The following AGBL1 variants were observed in gnomAD, a reference collection of about 807,000 sequenced individuals.
AGBL1 encodes AGBL carboxypeptidase 1.
Under a neutral mutation model 118.9 loss-of-function variants are expected in AGBL1, and 130 were observed. That is an observed-to-expected ratio of 1.09 (90% CI 0.95 to 1.26). The LOEUF (loss-of-function observed/expected upper bound fraction) is 1.26. Among genes scored for constraint, AGBL1 ranks in the 50% most tolerant of loss-of-function variants. The pLI is 0.00. For missense variants in AGBL1, 1,584 were observed against 1,298.1 expected (o/e 1.22, Z -3.38); for synonymous variants, 555 against 478.9 (o/e 1.16, Z -2.08).
chr15:86,211,332 G>C (rs150592650), intron 5 of AGBL1, among the ~76,000 whole-genome samples: 1 of 152,204 alleles, frequency 6.6e-6, no homozygotes, highest in Non-Finnish European at 1.5e-5. Flanking sequence ...CATTCTCAGA[G>C]CTCAAACACT....
At chr15:86,172,075 G>A (rs910918146) in intron 5 of AGBL1, among the ~76,000 whole-genome samples, 17 of 152,136 alleles carry the variant, frequency 1.1e-4, no homozygotes, top group Middle Eastern at 3.2e-3. Context: ...AAAAGACTAC[G>A]CATTGGGTAC....
At chr15:86,271,154 G>A (rs1001097670) in intron 14 of AGBL1, among the ~76,000 whole-genome samples, 16 of 144,930 alleles carry the variant, frequency 1.1e-4, no homozygotes, top group African/African-American at 3.6e-4. Flanking sequence ...GGGTTCAAGC[G>A]ATTCTCCTGC....
At chr15:87,027,705 A>AAAAGGAAGG (rs2081746566) in intron 24 of AGBL1, among the ~76,000 whole-genome samples, 1 of 152,040 alleles carries the variant, frequency 6.6e-6, no homozygotes, top group South Asian at 2.1e-4. Context: ...TGCAGCTATA[A>AAAAGGAAGG]AAAGGAAGGA....
chr15:86,311,526 A>G (rs17604550), intron 17 of AGBL1, among the ~76,000 whole-genome samples: 39,238 of 152,130 alleles, frequency 0.26, 6,369 homozygotes, highest in Admixed American at 0.37. Flanking sequence ...GCAGATAGTA[A>G]GAATTTTAGT....
chr15:87,030,703 G>A (rs539855342), downstream of AGBL1, among the ~76,000 whole-genome samples: 1 of 151,952 alleles, frequency 6.6e-6, no homozygotes, highest in East Asian at 1.9e-4. Context: ...TTGTGATATT[G>A]CCTTGCTAAC....
intron 22 of AGBL1, among the ~76,000 whole-genome samples, chr15:86,796,259 G>A (rs1279491682): frequency 6.6e-6 from 1 of 152,270 alleles, no homozygotes; most frequent in East Asian, 1.9e-4. Context: ...TGGATGACTA[G>A]ACATTTGTTC....
At chr15:86,828,914 GTATATATATATATA>G (rs3059643) in intron 22 of AGBL1, among the ~76,000 whole-genome samples, 1 of 141,870 alleles carries the variant, frequency 7.0e-6, no homozygotes, top group Admixed American at 7.1e-5. Context: ...AAGTTCAAAA[GTATATATATATATA>G]TATATATATA....
At chr15:86,871,539 C>G (rs750185147) in intron 22 of AGBL1, among the ~76,000 whole-genome samples, 41 of 152,162 alleles carry the variant, frequency 2.7e-4, no homozygotes, top group African/African-American at 9.4e-4. Context: ...TCCTCAGGCT[C>G]TCTCCTCCTT....
chr15:86,640,254 G>A (rs1352558561), intron 21 of AGBL1, among the ~76,000 whole-genome samples: 1 of 151,982 alleles, frequency 6.6e-6, no homozygotes, highest in African/African-American at 2.4e-5. Flanking sequence ...TCATTCCTAT[G>A]TTTATAAAGT....
chr15:86,200,083 A>C (rs963388178), intron 5 of AGBL1, among the ~76,000 whole-genome samples: 1 of 152,224 alleles, frequency 6.6e-6, no homozygotes, highest in Non-Finnish European at 1.5e-5. Flanking sequence ...GTTAATTGTT[A>C]TACACGTGTC....
chr15:86,635,603 C>T (rs936495748), intron 21 of AGBL1, among the ~76,000 whole-genome samples: 2 of 151,792 alleles, frequency 1.3e-5, no homozygotes, highest in African/African-American at 4.8e-5. Flanking sequence ...TGTTCTTACT[C>T]AAGGAAAAGT....
At chr15:86,485,325 A>C (rs2082699314) in intron 18 of AGBL1, among the ~76,000 whole-genome samples, 1 of 152,200 alleles carries the variant, frequency 6.6e-6, no homozygotes, top group East Asian at 1.9e-4. Context: ...AATAAAGAAA[A>C]GACTTTAAGA....
At chr15:86,583,499 A>G (rs552900639) in intron 21 of AGBL1, among the ~76,000 whole-genome samples, 5 of 152,250 alleles carry the variant, frequency 3.3e-5, no homozygotes, top group Admixed American at 2.0e-4. Flanking sequence ...CCATGTTGCT[A>G]CAGAGGACAT....
intron 17 of AGBL1, among the ~76,000 whole-genome samples, chr15:86,337,704 C>T (rs886626512): frequency 1.1e-4 from 17 of 151,854 alleles, no homozygotes; most frequent in South Asian, 6.3e-4. Flanking sequence ...TGGGGCCTGT[C>T]GAGGGAGGGT....
intron 24 of AGBL1, among the ~76,000 whole-genome samples, chr15:86,998,440 G>C (rs6496381): frequency 0.099 from 15,063 of 152,142 alleles, 1,333 homozygotes; most frequent in African/African-American, 0.23. Context: ...GCAGACACAT[G>C]AATTGGGAGT....
intron 21 of AGBL1, among the ~76,000 whole-genome samples, chr15:86,673,641 T>A (rs1188183003): frequency 6.6e-6 from 1 of 152,194 alleles, no homozygotes; most frequent in Non-Finnish European, 1.5e-5. Context: ...TAGAAGGGTA[T>A]TTGGCATGCA....
intron 21 of AGBL1, among the ~76,000 whole-genome samples, chr15:86,567,463 G>A (rs1300237329): frequency 6.6e-6 from 1 of 152,206 alleles, no homozygotes; most frequent in African/African-American, 2.4e-5. Context: ...CAATTTGTGA[G>A]CCTTCTTCTA....
chr15:86,366,661 A>G (rs1005684820), intron 17 of AGBL1, among the ~76,000 whole-genome samples: 1 of 152,162 alleles, frequency 6.6e-6, no homozygotes, highest in Non-Finnish European at 1.5e-5. Flanking sequence ...ACTCTTTGGA[A>G]GGATGTTTCC....
intron 22 of AGBL1, among the ~76,000 whole-genome samples, chr15:86,790,353 C>A (rs1200063668): frequency 2.0e-5 from 3 of 151,864 alleles, no homozygotes; most frequent in South Asian, 4.2e-4. Context: ...AACACACACA[C>A]ACACACACAC....
Sources: gnomAD v4.1 joint callset for allele counts (sites outside exome capture counted in the v4.1 genomes callset) on GRCh38, gnomAD v4.1.1 for gene constraint, MANE v1.5 for transcripts, NCBI Gene and HGNC (gene_info 2026-07-23, HGNC 2026-07-21) for gene names.